XKR3: variants seen among roughly 807,000 people sequenced by gnomAD.
XKR3 encodes XK related 3.
XKR3 carries 27 observed loss-of-function variants against 40.3 expected under a neutral mutation model. The ratio of observed to expected loss-of-function variants is 0.67; its 90% CI spans 0.49 to 0.92. The LOEUF (loss-of-function observed/expected upper bound fraction) is 0.92, where lower values mean the gene tolerates loss of function less well. Ranked by LOEUF, XKR3 falls within the 40% of genes least tolerant of loss-of-function variation. The pLI is 0.00. For synonymous variants in XKR3, 193 were observed against 195.4 expected, an observed-to-expected ratio of 0.99 and a Z score of 0.10; for missense variants, 472 against 537.6, an observed-to-expected ratio of 0.88 and a Z score of 1.21.
chr22:16,792,884 G>T (rs939971535), intron 3 of XKR3, among the ~76,000 whole-genome samples: 1 of 152,088 alleles, frequency 6.6e-6, no homozygotes, highest in African/African-American at 2.4e-5. Context: ...AAAATGTTTT[G>T]ATTTTATTTT....
chr22:16,795,602 C>A (rs2060137124), intron 3 of XKR3, among the ~76,000 whole-genome samples: 1 of 151,728 alleles, frequency 6.6e-6, no homozygotes, highest in South Asian at 2.1e-4. Context: ...TCACTTAAAC[C>A]AAACCAAGAG....
chr22:16,822,385 T>TTA (rs1555898434), intron 1 of XKR3, among the ~76,000 whole-genome samples: 1 of 90,274 alleles, frequency 1.1e-5, no homozygotes, highest in South Asian at 3.1e-4. Context: ...AATAGGAAAT[T>TTA]AAAAAAATAA....
chr22:16,808,103 T>C lies in XKR3; in HGVS notation c.-10-20A>G, dbSNP rs375635130. ...AGGGTGCTGCTAATTCAAAGTCGTC[T>C]TGTCAGTGAATCCAGTAGAGTTCAG... On this transcript the variant is annotated intron_variant, in intron 1 of 3. Transcript: ENST00000684488. The C allele has an allele frequency of 9.1e-6, 14 of 1,544,124 alleles. No homozygotes were observed. Among genetic ancestry groups the C allele is most frequent in the Admixed American group, 2.0e-5 (1 of 49,596 alleles).
chr22:16,788,417 A>T (rs2060100099), intron 3 of XKR3, among the ~76,000 whole-genome samples: 1 of 152,132 alleles, frequency 6.6e-6, no homozygotes, highest in Non-Finnish European at 1.5e-5. Context: ...AATAAATATA[A>T]TCAGAGACAA....
chr22:16,817,603 A>G (rs2060239245), intron 1 of XKR3, among the ~76,000 whole-genome samples: 1 of 152,032 alleles, frequency 6.6e-6, no homozygotes, highest in Non-Finnish European at 1.5e-5. Flanking sequence ...GCCAAACCCC[A>G]CTGGACTCAG....
At chr22:16,791,778 G>GGAGAGAGAGAGAGAGAGAGAGAGA (rs763159994) in intron 3 of XKR3, among the ~76,000 whole-genome samples, 1 of 123,184 alleles carries the variant, frequency 8.1e-6, no homozygotes. Flanking sequence ...GGAGAGAGAG[G>GGAGAGAGAGAGAGAGAGAGAGAGA]GAGAGAGAGA....
intron 1 of XKR3, among the ~76,000 whole-genome samples, chr22:16,812,013 A>C (rs1317675215): frequency 1.3e-5 from 2 of 152,176 alleles, no homozygotes; most frequent in Non-Finnish European, 2.9e-5. Context: ...TGTCTCAAAA[A>C]ACAAAACAAA....
intron 3 of XKR3, among the ~76,000 whole-genome samples, chr22:16,794,998 G>A (rs1179601304): frequency 6.6e-6 from 1 of 152,270 alleles, no homozygotes; most frequent in Admixed American, 6.5e-5. Flanking sequence ...TGTAGAACAA[G>A]TTCTTGACTA....
At chr22:16,791,242 T>G (rs1333933498) in intron 3 of XKR3, among the ~76,000 whole-genome samples, 1 of 151,960 alleles carries the variant, frequency 6.6e-6, no homozygotes. Flanking sequence ...AATTCTCATC[T>G]GCAGCAACAG....
At chr22:16,796,517 G>T (rs202018641) in intron 3 of XKR3, among the ~76,000 whole-genome samples, 1 of 152,154 alleles carries the variant, frequency 6.6e-6, no homozygotes, top group Non-Finnish European at 1.5e-5. Context: ...CACAATCACA[G>T]TAGGCTTTCT....
intron 3 of XKR3, among the ~76,000 whole-genome samples, chr22:16,799,473 T>A (rs1422070704): frequency 1.4e-5 from 2 of 146,002 alleles, no homozygotes; most frequent in Non-Finnish European, 3.0e-5. Flanking sequence ...AACAAAAATA[T>A]GTTTTAGATA....
At chr22:16,816,282 CT>C (rs983504320) in intron 1 of XKR3, among the ~76,000 whole-genome samples, 5 of 150,906 alleles carry the variant, frequency 3.3e-5, no homozygotes, top group South Asian at 2.1e-4. Flanking sequence ...TACCCTGAAC[CT>C]TTTTTTCTAA....
intron 2 of XKR3, 36 bp from the exon 3 acceptor site, chr22:16,800,060 A>T: frequency 6.3e-7 from 1 of 1,597,534 alleles, no homozygotes; most frequent in South Asian, 1.1e-5. Flanking sequence ...ATTAACATTT[A>T]TTGGTGACAG....
rs529348690 is a variant in XKR3, at chr22:16,812,306, G to C, written c.-10-4223C>G. ...ATATACATTCCTGTTAAGGCTGGTA[G>C]TGCACACAACTTTAACCAAGATTTA... On this transcript the variant is annotated intron_variant, in intron 1 of 3. Transcript: ENST00000684488. Among the ~76,000 whole-genome samples the C allele has an allele frequency of 4.6e-5, 7 of 152,284 alleles. No individual in the cohort carries two copies. The South Asian group carries it at 8.3e-4, about 18-fold the overall frequency.
At chr22:16,817,126 G>T (rs2060236926) in intron 1 of XKR3, among the ~76,000 whole-genome samples, 1 of 151,750 alleles carries the variant, frequency 6.6e-6, no homozygotes, top group East Asian at 1.9e-4. Flanking sequence ...ACAAAAATTT[G>T]TTTGACTTTT....
chr22:16,788,291 A>C (rs2060099519), intron 3 of XKR3, among the ~76,000 whole-genome samples: 2 of 152,318 alleles, frequency 1.3e-5, no homozygotes, highest in Admixed American at 1.3e-4. Context: ...TGACCAAAGC[A>C]GTTTTAAAGG....
chr22:16,820,918 A>G (rs2060252992), intron 1 of XKR3, among the ~76,000 whole-genome samples: 2 of 152,182 alleles, frequency 1.3e-5, no homozygotes, highest in African/African-American at 2.4e-5. Flanking sequence ...TCCTTCATGA[A>G]TACCCCTCTT....
At chr22:16,791,752 AGAGAGAGG>A (rs1418487036) in intron 3 of XKR3, among the ~76,000 whole-genome samples, 59 of 136,292 alleles carry the variant, frequency 4.3e-4, no homozygotes, top group African/African-American at 1.5e-3. Flanking sequence ...AGAGAGAGGG[AGAGAGAGG>A]GAGAGAGGGA....
At chr22:16,799,489 T>G (rs1054764019) in intron 3 of XKR3, among the ~76,000 whole-genome samples, 2 of 149,102 alleles carry the variant, frequency 1.3e-5, no homozygotes, top group Middle Eastern at 3.2e-3. Flanking sequence ...AGATAAAAAC[T>G]TATTCCTCTG....
Sources: allele counts gnomAD v4.1 joint callset (sites outside exome capture counted in the v4.1 genomes callset), GRCh38; gene constraint gnomAD v4.1.1; transcripts MANE v1.5; gene names NCBI Gene and HGNC (gene_info 2026-07-23, HGNC 2026-07-21).